SLC75A1: variants seen among roughly 807,000 people sequenced by gnomAD.
SLC75A1 encodes major facilitator superfamily domain containing 10.
At chr4:2,933,590 C>T in the SLC75A1 span, 3 of 1,613,832 alleles carry the variant, frequency 1.9e-6, no homozygotes, top group Non-Finnish European at 2.5e-6. Flanking sequence ...ACTGTTGTAC[C>T]TCTTCTCCAC....
At chr4:2,933,188 G>A in the SLC75A1 span, 1 of 1,613,600 alleles carries the variant, frequency 6.2e-7, no homozygotes, top group Non-Finnish European at 8.5e-7. Flanking sequence ...CTGCAGGACA[G>A]AGAATGCCGA....
At chr4:2,932,186 C>T in the SLC75A1 span, 29 of 1,577,348 alleles carry the variant, frequency 1.8e-5, no homozygotes, top group Admixed American at 5.6e-5. Context: ...CCTGCAGGAG[C>T]GGCTGCTGGC....
the SLC75A1 span, chr4:2,933,712 G>T: frequency 1.2e-6 from 2 of 1,608,054 alleles, no homozygotes; most frequent in Non-Finnish European, 1.7e-6. Context: ...TGATGGGCCT[G>T]GGGGGCAGGG....
At chr4:2,932,175 G>T in the SLC75A1 span, 2 of 1,588,092 alleles carry the variant, frequency 1.3e-6, no homozygotes, top group Admixed American at 3.6e-5. Flanking sequence ...GCATTGGAGA[G>T]CCTGCAGGAG....
At chr4:2,933,117 G>T in the SLC75A1 span, 3 of 1,613,340 alleles carry the variant, frequency 1.9e-6, no homozygotes, top group Admixed American at 1.7e-5. Context: ...AGGCACAGCA[G>T]CATCACCGGG....
the SLC75A1 span, chr4:2,931,300 C>T: frequency 1.1e-5 from 17 of 1,549,636 alleles, no homozygotes; most frequent in East Asian, 4.1e-4. Context: ...GAGGAGGTGC[C>T]CGTCAGCCCA....
the SLC75A1 span, chr4:2,933,900 G>C: frequency 1.3e-6 from 2 of 1,571,862 alleles, no homozygotes; most frequent in Non-Finnish European, 1.7e-6. Flanking sequence ...GCGGGGTGCA[G>C]CCTCCACCCC....
At chr4:2,934,314 C>T in the SLC75A1 span, 13 of 238,106 alleles carry the variant, frequency 5.5e-5, no homozygotes, top group Admixed American at 1.5e-4. Context: ...CCGATCCCAA[C>T]CCCAACCCCA....
chr4:2,934,221 A>C, the SLC75A1 span: 1 of 389,128 alleles, frequency 2.6e-6, no homozygotes, highest in Non-Finnish European at 4.7e-6. Context: ...ACCCCACCCC[A>C]CGGCCGCGCC....
chr4:2,931,587 G>A, the SLC75A1 span: 173 of 1,613,316 alleles, frequency 1.1e-4, no homozygotes, highest in Admixed American at 2.7e-4. Context: ...CCGCCAGGGT[G>A]GATCCGCCGG....
chr4:2,931,970 C>T, the SLC75A1 span: 1 of 1,602,946 alleles, frequency 6.2e-7, no homozygotes, highest in Non-Finnish European at 8.5e-7. Context: ...AGAAGGCGAC[C>T]ACAGCAGGGA....
the SLC75A1 span, chr4:2,932,634 T>G: frequency 6.2e-7 from 1 of 1,612,982 alleles, no homozygotes; most frequent in Non-Finnish European, 8.5e-7. Context: ...CGAGCCCAGG[T>G]CAGCAACGAT....
the SLC75A1 span, chr4:2,931,807 C>A: frequency 6.3e-7 from 1 of 1,581,452 alleles, no homozygotes; most frequent in South Asian, 1.1e-5. Context: ...AGCAGGCCGT[C>A]GCCAGATGGG....
chr4:2,933,619 G>A, the SLC75A1 span: 1 of 1,613,308 alleles, frequency 6.2e-7, no homozygotes, highest in Non-Finnish European at 8.5e-7. Flanking sequence ...CGATGGCGGT[G>A]GCAAACCAGT....
chr4:2,933,226 A>G, the SLC75A1 span: 1 of 1,610,346 alleles, frequency 6.2e-7, no homozygotes, highest in African/African-American at 1.3e-5. Flanking sequence ...GACAGATGTC[A>G]CCATCATGGG....
chr4:2,931,438 G>A, the SLC75A1 span: 3 of 1,561,344 alleles, frequency 1.9e-6, no homozygotes, highest in South Asian at 1.2e-5. Flanking sequence ...CCGATGAGGA[G>A]GAAGGCGGGC....
chr4:2,932,190 T>A, the SLC75A1 span: 1 of 1,575,996 alleles, frequency 6.3e-7, no homozygotes. Context: ...CAGGAGCGGC[T>A]GCTGGCCTGG....
At chr4:2,933,848 T>A in the SLC75A1 span, 1 of 1,588,784 alleles carries the variant, frequency 6.3e-7, no homozygotes, top group Non-Finnish European at 8.6e-7. Flanking sequence ...AAGACAACGG[T>A]GACCACGCGG....
the SLC75A1 span, chr4:2,931,965 G>T: frequency 6.2e-7 from 1 of 1,602,630 alleles, no homozygotes; most frequent in Non-Finnish European, 8.5e-7. Flanking sequence ...TGCTGAGAAG[G>T]CGACCACAGC....
Sources: gnomAD v4.1 joint callset for allele counts on GRCh38, gnomAD v4.1.1 for gene constraint, MANE v1.5 for transcripts, NCBI Gene and HGNC (gene_info 2026-07-23, HGNC 2026-07-21) for gene names.